The following WDR72 variants were observed in gnomAD, a reference collection of about 807,000 sequenced individuals.
The protein encoded by WDR72 is WD repeat domain 72.
Under a neutral mutation model 124.2 loss-of-function variants are expected in WDR72, and 120 were observed. That is an observed-to-expected ratio of 0.97 (90% confidence interval 0.83 to 1.12). The LOEUF (loss-of-function observed/expected upper bound fraction) is 1.12, where lower values mean the gene tolerates loss of function less well. WDR72 is among the 50% of genes most tolerant of loss of function. The probability of loss-of-function intolerance (pLI) is 0.00; values close to 1 mark genes in which losing one functional copy is unlikely to be tolerated. For missense variants in WDR72, 1,387 were observed against 1,278.8 expected, an observed-to-expected ratio of 1.08 and a Z score of -1.29; for synonymous variants, 452 against 441.7, an observed-to-expected ratio of 1.02 and a Z score of -0.29.
chr15:53,703,243 C>G (rs2017240158), intron 11 of WDR72, among the ~76,000 whole-genome samples: 1 of 152,024 alleles, frequency 6.6e-6, no homozygotes, highest in Non-Finnish European at 1.5e-5. Context: ...ATGACTAAGT[C>G]TAGTATACAA....
chr15:53,751,271 GTCAA>G (rs2018767757), intron 1 of WDR72, among the ~76,000 whole-genome samples: 3 of 151,510 alleles, frequency 2.0e-5, no homozygotes, highest in Non-Finnish European at 2.9e-5. Context: ...AAAAGGAAGA[GTCAA>G]TCAATGCAGC....
chr15:53,621,768 C>G (rs1301107659), intron 14 of WDR72, among the ~76,000 whole-genome samples: 1 of 151,910 alleles, frequency 6.6e-6, no homozygotes, highest in Non-Finnish European at 1.5e-5. Context: ...CAAACACCAC[C>G]TGTTCCCCAA....
chr15:53,575,217 A>T (rs189147781), intron 18 of WDR72, among the ~76,000 whole-genome samples: 1 of 152,256 alleles, frequency 6.6e-6, no homozygotes, highest in East Asian at 1.9e-4. Flanking sequence ...ATGGCATTTG[A>T]AAACTGTCAA....
chr15:53,692,305 T>G (rs1025668570), intron 13 of WDR72, among the ~76,000 whole-genome samples: 1 of 152,224 alleles, frequency 6.6e-6, no homozygotes, highest in Admixed American at 6.5e-5. Flanking sequence ...CTAGTGTCCT[T>G]CACAGTGGTA....
At chr15:53,761,624 G>C (rs1456823070), upstream of WDR72, among the ~76,000 whole-genome samples, 1 of 152,102 alleles carries the variant, frequency 6.6e-6, no homozygotes, top group Non-Finnish European at 1.5e-5. Context: ...CCAAGAGTTT[G>C]AGACCAGCCT....
chr15:53,669,018 AAGAAGAAG>A (rs2015894967), intron 13 of WDR72, among the ~76,000 whole-genome samples: 1 of 116,504 alleles, frequency 8.6e-6, no homozygotes, highest in Non-Finnish European at 1.8e-5. Context: ...AGAAGGAGAA[AAGAAGAAG>A]GGAGGAAGGG....
intron 14 of WDR72, among the ~76,000 whole-genome samples, chr15:53,634,673 T>C (rs1331075671): frequency 6.6e-6 from 1 of 152,152 alleles, no homozygotes; most frequent in African/African-American, 2.4e-5. Context: ...TAGACAATAT[T>C]TAACCTACTC....
intron 14 of WDR72, among the ~76,000 whole-genome samples, chr15:53,625,080 A>G (rs1210330425): frequency 6.6e-6 from 1 of 152,212 alleles, no homozygotes; most frequent in Non-Finnish European, 1.5e-5. Flanking sequence ...ATACAAATAT[A>G]ATTATGTTAA....
Position 53,744,677 on chromosome 15 carries a change from G to A in WDR72, c.-12-11516C>T, listed in dbSNP as rs74015921. Among the ~76,000 whole-genome samples the A allele has an allele frequency of 1.6e-3, 240 of 152,262 alleles. 1 individual carries two copies. The highest frequency in any genetic ancestry group is 5.7e-3 in the African/African-American group (238 of 41,532). The stretch of plus-strand genomic sequence containing the variant: ...ATGTCTTTTCATTGTTTGATCCCTA[G>A]TCCCTGGCACACTGCCTAACACATA... On this transcript the variant is annotated intron_variant, in intron 1 of 19. Coordinates refer to ENST00000360509, the MANE Select transcript of WDR72 (RefSeq NM_182758.4).
At chr15:53,652,715 A>G (rs916450770) in intron 14 of WDR72, among the ~76,000 whole-genome samples, 3 of 152,136 alleles carry the variant, frequency 2.0e-5, no homozygotes, top group African/African-American at 7.2e-5. Context: ...TTATTAGAAA[A>G]AGAAGTCTAA....
At chr15:53,681,945 T>C (rs1417762657) in intron 13 of WDR72, among the ~76,000 whole-genome samples, 1 of 152,106 alleles carries the variant, frequency 6.6e-6, no homozygotes, top group Non-Finnish European at 1.5e-5. Context: ...AAAAACAATA[T>C]AGAAATGTTT....
At chr15:53,529,407 C>G (rs1271532911) in intron 18 of WDR72, among the ~76,000 whole-genome samples, 1 of 151,732 alleles carries the variant, frequency 6.6e-6, no homozygotes, top group African/African-American at 2.4e-5. Flanking sequence ...CTCTTTGATA[C>G]CTTCCAGCTT....
At chr15:53,649,101 C>A (rs1397221459) in intron 14 of WDR72, among the ~76,000 whole-genome samples, 9 of 152,152 alleles carry the variant, frequency 5.9e-5, no homozygotes, top group Admixed American at 5.9e-4. Flanking sequence ...ATAACACAAT[C>A]TAATCACAGC....
In WDR72 at chr15:53,645,383, A is replaced by C. The variant is rs188306089; in HGVS notation, c.1962+20189T>G. Among the ~76,000 whole-genome samples, 402 of 152,278 alleles carry C rather than the reference A, an allele frequency of 2.6e-3. 3 individuals carry two copies. The highest frequency in any genetic ancestry group is 9.3e-3 in the African/African-American group (387 of 41,562). On this transcript the variant is annotated intron_variant, in intron 14 of 19. Transcript: ENST00000360509. ...CAAAATCTCCAGATTTAAAGCGTAT[A>C]ATCTGACTCTGGCTAATGGACAAAC...
chr15:53,664,347 T>C (rs944769547), intron 14 of WDR72, among the ~76,000 whole-genome samples: 1 of 152,206 alleles, frequency 6.6e-6, no homozygotes, highest in African/African-American at 2.4e-5. Context: ...TTAGTTAGTG[T>C]GACTCAGTTC....
rs187249203 is a variant in WDR72, at chr15:53,582,827, A to G, written c.3148+14252T>C. 7.9e-5 allele frequency among the ~76,000 whole-genome samples: 12 copies of G among 152,074 alleles called. No individual in the cohort carries two copies. The East Asian group carries it at 2.1e-3, about 27-fold the overall frequency. ...CATTCATCAAACTATATTTTTGACT[A>G]ATAGTTGGCTTTTATAATATTAATA... is the stretch of plus-strand genomic sequence containing the variant. On this transcript the variant is annotated intron_variant, in intron 18 of 19. Transcript: ENST00000360509.
intron 18 of WDR72, among the ~76,000 whole-genome samples, chr15:53,569,639 G>A (rs1257423502): frequency 6.6e-6 from 1 of 151,916 alleles, no homozygotes; most frequent in African/African-American, 2.4e-5. Context: ...TGTTGAATGT[G>A]GTACCAGAAG....
At chr15:53,586,188 C>G (rs1449967299) in intron 18 of WDR72, among the ~76,000 whole-genome samples, 2 of 151,956 alleles carry the variant, frequency 1.3e-5, no homozygotes, top group Admixed American at 1.3e-4. Context: ...CTGGACTTAC[C>G]AGCTGGACAA....
chr15:53,726,979 T>A (rs12899985), intron 2 of WDR72, among the ~76,000 whole-genome samples: 6,517 of 152,172 alleles, frequency 0.043, 162 homozygotes, highest in Non-Finnish European at 0.053. Context: ...AGAAAACATG[T>A]AAGATCTCCT....
Sources: gnomAD v4.1 joint callset for allele counts (sites outside exome capture counted in the v4.1 genomes callset) on GRCh38, gnomAD v4.1.1 for gene constraint, MANE v1.5 for transcripts, NCBI Gene and HGNC (gene_info 2026-07-23, HGNC 2026-07-21) for gene names.